CEBPZOS: variants seen among roughly 807,000 people sequenced by gnomAD.
The protein encoded by CEBPZOS is CEBPZ opposite strand.
CEBPZOS carries 10 observed loss-of-function variants against 4.8 expected under a neutral mutation model. The ratio of observed to expected loss-of-function variants is 2.07; its 90% CI spans 1.28 to 3.52. CEBPZOS has a LOEUF of 3.52. Ranked by LOEUF, CEBPZOS falls within the 30% of genes most tolerant of loss-of-function variation. The probability of loss-of-function intolerance (pLI) is 0.00; values close to 1 mark genes in which losing one functional copy is unlikely to be tolerated. For missense variants in CEBPZOS, 98 were observed against 43.6 expected (o/e 2.25, Z -3.51); for synonymous variants, 25 against 14.2 (o/e 1.77, Z -1.72).
In CEBPZOS at chr2:37,202,920, T is replaced by C. The variant is rs1277352766; in HGVS notation, c.*1060T>C. On this transcript the variant is annotated 3_prime_UTR_variant, in exon 5 of 5. Transcript: ENST00000402297. ...AAAACTAAAAATAATGTAGAATAGC[T>C]AGCTTGTTAAAACAGTACATTAGCC... 1.9e-6 allele frequency: 3 copies of C among 1,593,632 alleles called. No homozygotes were observed. Among genetic ancestry groups the C allele is most frequent in the Non-Finnish European group, 2.6e-6 (3 of 1,167,662 alleles).
In CEBPZOS at chr2:37,203,268, G is replaced by GT; in HGVS notation, c.*1412dup. 3.8e-6 allele frequency: 1 copy of GT among 264,188 alleles called. No homozygotes were observed. Among genetic ancestry groups the GT allele is most frequent in the East Asian group, 6.8e-5 (1 of 14,666 alleles). The allele number at this position is 264,188 out of a possible 1,614,324, so 16.4% of individuals were successfully genotyped here. On this transcript the variant is annotated 3_prime_UTR_variant, in exon 5 of 5. Coordinates refer to ENST00000402297, the MANE Select transcript of CEBPZOS (RefSeq NM_001322374.2). ...TTTTCAGATTTGGCCACTGATCGAA[G>GT]TTTTACCCATAAGGGAAATAACATA... is the stretch of plus-strand genomic sequence containing the variant.
intron 4 of CEBPZOS, chr2:37,211,594 C>T (rs1416100807): frequency 2.3e-6 from 1 of 433,392 alleles, no homozygotes; most frequent in African/African-American, 2.0e-5. Context: ...ATGTATTGTA[C>T]AGAGAAGCTA....
At chr2:37,201,604 C>G in intron 3 of CEBPZOS, 38 bp from the exon 4 acceptor site, 1 of 676,350 alleles carries the variant, frequency 1.5e-6, no homozygotes. Flanking sequence ...ACAATGCTTC[C>G]ACATGACTTT....
intron 1 of CEBPZOS, 97 bp from the exon 2 acceptor site, chr2:37,199,607 A>G: frequency 1.5e-6 from 1 of 653,590 alleles, no homozygotes; most frequent in Admixed American, 2.4e-5. Flanking sequence ...CAGAGAAGCC[A>G]TTCAAACTGT....
chr2:37,201,673 G>T lies in CEBPZOS; in HGVS notation c.192G>T (p.Met64Ile). 3 of 807,380 alleles carry T rather than the reference G, an allele frequency of 3.7e-6. No homozygotes were observed. The highest frequency in any genetic ancestry group is 6.4e-6 in the Non-Finnish European group (3 of 467,726). The allele number at this position is 807,380 out of a possible 1,614,324, so 50.0% of individuals were successfully genotyped here. A position where few individuals can be genotyped will look rare whatever the true frequency, so the allele number is the denominator to read the frequency against. The change falls in exon 4 of 5, where the codon ATG becomes ATT. Residue 64 changes from methionine to isoleucine, a missense_variant. By Grantham distance (10) the Met-to-Ile change is conservative. Coordinates refer to ENST00000402297, the MANE Select transcript of CEBPZOS (RefSeq NM_001322374.2). ...ACAAATCCACTGAGAAGTCTGGAAT[G>T]TATGGAATCAGAGAGCTAGATCAAA... ...VYYKSTEKSG[M>I]YGIRELDQKT...
At chr2:37,201,158 G>A (rs1677211445) in intron 3 of CEBPZOS, 66 bp downstream of exon 3, 1 of 678,968 alleles carries the variant, frequency 1.5e-6, no homozygotes, top group Admixed American at 2.5e-5. Flanking sequence ...AAATTATGTA[G>A]TAATTTCTTT....
At chr2:37,197,012 G>T (rs1360755318) in intron 1 of CEBPZOS, among the ~76,000 whole-genome samples, 3 of 152,192 alleles carry the variant, frequency 2.0e-5, no homozygotes, top group African/African-American at 4.8e-5. Flanking sequence ...CGGGATAAGG[G>T]GCTTCCGACC....
At chr2:37,206,919 A>T (rs895174743), downstream of CEBPZOS, among the ~76,000 whole-genome samples, 1 of 152,258 alleles carries the variant, frequency 6.6e-6, no homozygotes, top group South Asian at 2.1e-4. Flanking sequence ...CACGTAACAC[A>T]TAAGGACTCA....
rs866674592 is a variant in CEBPZOS at position 37,200,971 on chromosome 2, T to C, written c.116-77T>C. The C allele has an allele frequency of 2.3e-4, 158 of 697,126 alleles. 1 individual carries two copies. Among genetic ancestry groups the C allele is most frequent in the Middle Eastern group, 1.7e-3 (7 of 4,224 alleles). The allele number at this position is 697,126 out of a possible 1,614,324, so 43.2% of individuals were successfully genotyped here. On this transcript the variant is annotated intron_variant, in intron 2 of 4. Coordinates refer to ENST00000402297, the MANE Select transcript of CEBPZOS (RefSeq NM_001322374.2). ...GTTCCCATCATATGGACCCTAAAGC[T>C]AGCATTAAATTGTGGCTGTGTTAAT...
chr2:37,213,963 T>A, downstream of CEBPZOS: 1 of 1,465,032 alleles, frequency 6.8e-7, no homozygotes, highest in Non-Finnish European at 9.2e-7. Flanking sequence ...TTATAATACC[T>A]ATAATATTCA....
intron 1 of CEBPZOS, among the ~76,000 whole-genome samples, chr2:37,198,919 T>C (rs1677078618): frequency 6.6e-6 from 1 of 152,052 alleles, no homozygotes; most frequent in South Asian, 2.1e-4. Flanking sequence ...TTTGGGAGGC[T>C]GAGGTGGGCG....
chr2:37,210,947 A>T, intron 4 of CEBPZOS: 1 of 1,289,672 alleles, frequency 7.8e-7, no homozygotes, highest in Non-Finnish European at 1.1e-6. Flanking sequence ...AATGATAATG[A>T]CACCTTTCAC....
intron 4 of CEBPZOS, chr2:37,211,113 A>AT: frequency 6.9e-7 from 1 of 1,447,360 alleles, no homozygotes; most frequent in Non-Finnish European, 9.6e-7. Context: ...CTAATAAGCA[A>AT]TTTAAAAACA....
chr2:37,214,043 G>A, downstream of CEBPZOS: 4 of 627,320 alleles, frequency 6.4e-6, no homozygotes, highest in South Asian at 6.0e-5. Context: ...TATGACCAGT[G>A]GCAAACCACA....
At chr2:37,197,196 G>A (rs928239056) in intron 1 of CEBPZOS, 12 of 152,504 alleles carry the variant, frequency 7.9e-5, no homozygotes, top group African/African-American at 2.7e-4. Context: ...GGCAGGCGCT[G>A]GTCTGCCGTG....
At chr2:37,199,219 G>C (rs1677092256) in intron 1 of CEBPZOS, among the ~76,000 whole-genome samples, 1 of 151,994 alleles carries the variant, frequency 6.6e-6, no homozygotes, top group South Asian at 2.1e-4. Context: ...ATAATATATA[G>C]TATATGTAAT....
chr2:37,215,191 GT>G, downstream of CEBPZOS: 1 of 201,368 alleles, frequency 5.0e-6, no homozygotes, highest in Admixed American at 1.2e-4. Context: ...ATAGCTGTCA[GT>G]GCCGTTACAG....
At chr2:37,211,694 G>A (rs1397620201) in intron 4 of CEBPZOS, 19 of 586,236 alleles carry the variant, frequency 3.2e-5, no homozygotes, top group African/African-American at 3.8e-5. Context: ...AGCTCCAAAC[G>A]AGAAGGGAAA....
At chr2:37,201,014 A>C (rs1328678102) in intron 2 of CEBPZOS, 34 bp from the exon 3 acceptor site, 1 of 714,152 alleles carries the variant, frequency 1.4e-6, no homozygotes, top group East Asian at 2.7e-5. Flanking sequence ...ATTTCTGTTC[A>C]TATCTAATTT....
Sources: allele counts gnomAD v4.1 joint callset (sites outside exome capture counted in the v4.1 genomes callset), GRCh38; gene constraint gnomAD v4.1.1; transcripts MANE v1.5; gene names NCBI Gene and HGNC (gene_info 2026-07-23, HGNC 2026-07-21).